The following ACTR3C variants were observed in gnomAD, a reference collection of about 807,000 sequenced individuals.
ACTR3C encodes the protein actin related protein 3C, also known as actin-related protein 3C.
ACTR3C carries 18 observed loss-of-function variants against 26.3 expected under a neutral mutation model. That is an observed-to-expected ratio of 0.68 (90% CI 0.47 to 1.01). ACTR3C has a LOEUF of 1.01. ACTR3C is among the 50% of genes least tolerant of loss of function. The pLI, the probability that ACTR3C is intolerant of heterozygous loss-of-function variation, is 0.00. For missense variants in ACTR3C, 184 were observed against 250.7 expected, an observed-to-expected ratio of 0.73 and a Z score of 1.80; for synonymous variants, 55 against 94.5, an observed-to-expected ratio of 0.58 and a Z score of 2.42.
the ACTR3C span, among the ~76,000 whole-genome samples, chr7:150,102,574 A>G: frequency 6.6e-6 from 1 of 152,020 alleles, no homozygotes. Flanking sequence ...CTGTTAAATG[A>G]AGGATGCTGA....
chr7:150,006,455 C>T, the ACTR3C span, among the ~76,000 whole-genome samples: 4 of 148,834 alleles, frequency 2.7e-5, no homozygotes, highest in African/African-American at 7.5e-5. Context: ...CCTCGGCCTC[C>T]CAAAGTGCTG....
chr7:149,910,934 C>T, the ACTR3C span, among the ~76,000 whole-genome samples: 711 of 151,940 alleles, frequency 4.7e-3, 8 homozygotes, highest in African/African-American at 0.015. Flanking sequence ...GGAGCCAGGG[C>T]AATGCCAAGT....
At chr7:150,110,336 G>A in the ACTR3C span, among the ~76,000 whole-genome samples, 3 of 151,374 alleles carry the variant, frequency 2.0e-5, no homozygotes, top group African/African-American at 4.9e-5. Context: ...GCAGAAGGAT[G>A]TCTCGGAGGC....
intron 6 of ACTR3C, among the ~76,000 whole-genome samples, chr7:150,279,028 G>A (rs546651168): frequency 1.2e-4 from 19 of 152,212 alleles, no homozygotes; most frequent in Admixed American, 2.6e-4. Context: ...AAATAGAGCC[G>A]GCGCAGTGGT....
the ACTR3C span, among the ~76,000 whole-genome samples, chr7:149,969,048 C>G: frequency 6.6e-6 from 1 of 151,980 alleles, no homozygotes; most frequent in East Asian, 1.9e-4. Flanking sequence ...GAGGTAGAAC[C>G]AACCTCATGT....
At chr7:150,198,011 CG>C in the ACTR3C span, among the ~76,000 whole-genome samples, 2 of 151,296 alleles carry the variant, frequency 1.3e-5, no homozygotes, top group Non-Finnish European at 2.9e-5. Flanking sequence ...TGCGCCGCCA[CG>C]CCTGACTGGT....
At chr7:150,054,769 T>A in the ACTR3C span, among the ~76,000 whole-genome samples, 19 of 152,344 alleles carry the variant, frequency 1.2e-4, no homozygotes, top group African/African-American at 3.8e-4. Context: ...AGTCCATGCT[T>A]CTTGTAGGCA....
the ACTR3C span, among the ~76,000 whole-genome samples, chr7:149,981,851 A>G: frequency 1.3e-5 from 2 of 152,248 alleles, no homozygotes; most frequent in South Asian, 2.1e-4. Context: ...TTTACACCTC[A>G]TAACTCTTGC....
chr7:150,060,339 T>G, the ACTR3C span, among the ~76,000 whole-genome samples: 1 of 150,600 alleles, frequency 6.6e-6, no homozygotes, highest in Non-Finnish European at 1.5e-5. Context: ...TTTTCCTTAT[T>G]TTGATCCAGG....
At chr7:149,995,942 C>A in the ACTR3C span, among the ~76,000 whole-genome samples, 2 of 152,188 alleles carry the variant, frequency 1.3e-5, no homozygotes, top group Admixed American at 1.3e-4. Context: ...TGTTGATCAG[C>A]AAGTGCAGAC....
At chr7:150,014,380 C>T in the ACTR3C span, among the ~76,000 whole-genome samples, 14 of 151,250 alleles carry the variant, frequency 9.3e-5, no homozygotes, top group African/African-American at 1.9e-4. Flanking sequence ...GGTGTGAACC[C>T]GGAAGACAGA....
the ACTR3C span, among the ~76,000 whole-genome samples, chr7:150,234,835 A>G: frequency 6.6e-6 from 1 of 152,178 alleles, no homozygotes; most frequent in South Asian, 2.1e-4. Flanking sequence ...TTAAAGCCAG[A>G]TGTCTCTTAA....
chr7:150,006,189 T>A, the ACTR3C span, among the ~76,000 whole-genome samples: 1 of 147,348 alleles, frequency 6.8e-6, no homozygotes, highest in African/African-American at 2.6e-5. Flanking sequence ...GCACAGAATT[T>A]ATTTATTTAT....
the ACTR3C span, among the ~76,000 whole-genome samples, chr7:149,997,727 T>C: frequency 3.3e-5 from 5 of 149,888 alleles, no homozygotes; most frequent in African/African-American, 7.3e-5. Flanking sequence ...TTTTACTCTC[T>C]GCAAAATATG....
At chr7:149,970,191 T>C in the ACTR3C span, among the ~76,000 whole-genome samples, 1 of 151,858 alleles carries the variant, frequency 6.6e-6, no homozygotes, top group African/African-American at 2.4e-5. Context: ...AGGTTTGAAA[T>C]GCTATCGTTC....
the ACTR3C span, among the ~76,000 whole-genome samples, chr7:149,986,537 T>C: frequency 1.3e-5 from 2 of 152,122 alleles, no homozygotes; most frequent in Non-Finnish European, 2.9e-5. Flanking sequence ...AACTCCTTAG[T>C]AAAGGGTAAG....
At chr7:149,952,959 A>G in the ACTR3C span, among the ~76,000 whole-genome samples, 3 of 152,164 alleles carry the variant, frequency 2.0e-5, no homozygotes, top group Non-Finnish European at 4.4e-5. Flanking sequence ...TTAATTTGTG[A>G]AAAATCTTAT....
chr7:149,885,565 C>A, the ACTR3C span, among the ~76,000 whole-genome samples: 1 of 151,672 alleles, frequency 6.6e-6, no homozygotes, highest in Non-Finnish European at 1.5e-5. Context: ...GATGTTCTCA[C>A]CCCTACAGGA....
At chr7:149,961,400 A>G in the ACTR3C span, among the ~76,000 whole-genome samples, 1 of 152,160 alleles carries the variant, frequency 6.6e-6, no homozygotes, top group African/African-American at 2.4e-5. Flanking sequence ...CAGGAAGTGC[A>G]CAGGTAGGAA....
Sources: gnomAD v4.1 joint callset for allele counts (sites outside exome capture counted in the v4.1 genomes callset) on GRCh38, gnomAD v4.1.1 for gene constraint, MANE v1.5 for transcripts, NCBI Gene and HGNC (gene_info 2026-07-23, HGNC 2026-07-21) for gene names.